Variants in ELAVL4 observed in about 807,000 individuals in gnomAD.
ELAVL4 encodes the protein ELAV like RNA binding protein 4, also known as ELAV-like protein 4.
ELAVL4 carries 1 observed loss-of-function variant against 35.6 expected under a neutral mutation model. That is an observed-to-expected ratio of 0.03 (90% confidence interval 0.01 to 0.13). The LOEUF is 0.13. Among genes scored for constraint, ELAVL4 ranks in the 10% least tolerant of loss-of-function variants. The probability of loss-of-function intolerance (pLI) is 1.00; values close to 1 mark genes in which losing one functional copy is unlikely to be tolerated. For synonymous variants in ELAVL4, 156 were observed against 171.0 expected, an observed-to-expected ratio of 0.91 and a Z score of 0.69; for missense variants, 267 against 464.9, an observed-to-expected ratio of 0.57 and a Z score of 3.91.
At chr1:50,093,383 T>C (rs868565899) in intron 1 of ELAVL4, among the ~76,000 whole-genome samples, 4 of 152,346 alleles carry the variant, frequency 2.6e-5, no homozygotes, top group Middle Eastern at 3.4e-3. Context: ...AGATTGACCA[T>C]ACTGGCACAT....
intron 3 of ELAVL4, among the ~76,000 whole-genome samples, chr1:50,182,356 T>G (rs1353797305): frequency 6.6e-6 from 1 of 152,212 alleles, no homozygotes; most frequent in Non-Finnish European, 1.5e-5. Context: ...CCACTAAACC[T>G]TTCAGAGTGT....
upstream of ELAVL4, among the ~76,000 whole-genome samples, chr1:50,103,358 C>G (rs1186588621): frequency 1.3e-5 from 2 of 152,052 alleles, no homozygotes; most frequent in African/African-American, 2.4e-5. Context: ...TCACATCAGT[C>G]TGGTGCATCT....
chr1:50,146,983 C>T (rs910000724), intron 2 of ELAVL4, among the ~76,000 whole-genome samples: 2 of 151,828 alleles, frequency 1.3e-5, no homozygotes, highest in Non-Finnish European at 2.9e-5. Context: ...GGTAGTTCAC[C>T]GAGTGGATTT....
upstream of ELAVL4, chr1:50,108,834 A>G (rs1272654338): frequency 2.3e-6 from 2 of 885,592 alleles, no homozygotes; most frequent in Non-Finnish European, 2.7e-6. Context: ...TGATGTTGCA[A>G]CGCCTCCCTT....
At chr1:50,071,760 C>T (rs190236449) in intron 1 of ELAVL4, among the ~76,000 whole-genome samples, 1 of 152,042 alleles carries the variant, frequency 6.6e-6, no homozygotes, top group Non-Finnish European at 1.5e-5. Context: ...TTGATCAAGT[C>T]CTTTTACCTC....
chr1:50,069,027 T>C (rs56185427), intron 1 of ELAVL4, among the ~76,000 whole-genome samples: 4,589 of 152,330 alleles, frequency 0.03, 142 homozygotes, highest in African/African-American at 0.079. Context: ...ATTTCACAGG[T>C]AGTAATCACT....
At chr1:50,137,498 A>T (rs921268704) in intron 1 of ELAVL4, among the ~76,000 whole-genome samples, 3 of 151,822 alleles carry the variant, frequency 2.0e-5, no homozygotes, top group Non-Finnish European at 4.4e-5. Context: ...ACATAGAGAG[A>T]CCCAGTCAAA....
At chr1:50,192,749 G>T (rs1345198985) in intron 3 of ELAVL4, among the ~76,000 whole-genome samples, 2 of 152,172 alleles carry the variant, frequency 1.3e-5, no homozygotes, top group Non-Finnish European at 2.9e-5. Flanking sequence ...TAGCAGGAAA[G>T]TGCTTTTGTT....
At chr1:50,109,257 T>C in intron 1 of ELAVL4, 59 bp downstream of exon 1, 3 of 1,564,296 alleles carry the variant, frequency 1.9e-6, no homozygotes, top group Non-Finnish European at 2.6e-6. Context: ...GAAAAGCATC[T>C]ACACCTTGAC....
intron 2 of ELAVL4, 39 bp downstream of exon 2, chr1:50,145,236 G>A (rs768298232): frequency 6.2e-7 from 1 of 1,610,988 alleles, no homozygotes; most frequent in Non-Finnish European, 8.5e-7. Flanking sequence ...TCCATTAGAT[G>A]TGCAGATCTT....
chr1:50,119,483 A>G (rs1418573238), intron 1 of ELAVL4, among the ~76,000 whole-genome samples: 1 of 152,076 alleles, frequency 6.6e-6, no homozygotes, highest in Non-Finnish European at 1.5e-5. Flanking sequence ...GTTTATTTAA[A>G]AGTTAAAAAT....
In ELAVL4 at chr1:50,114,604, G is replaced by T. The variant is rs1405319919; in HGVS notation, c.9+5406G>T. 1.1e-4 allele frequency among the ~76,000 whole-genome samples: 16 copies of T among 152,164 alleles called. 1 individual carries two copies. In the South Asian group the frequency reaches 3.3e-3, roughly 32 times the overall value. On this transcript the variant is annotated intron_variant, in intron 1 of 6. Coordinates refer to ENST00000371824, the MANE Select transcript of ELAVL4 (RefSeq NM_001144774.3). ...CAACATGTGGGTCTGCATCTTTCCG[G>T]TATAGGAGATAATGAGTGATAAATT...
chr1:50,104,053 G>A (rs949903889), upstream of ELAVL4: 109 of 1,601,494 alleles, frequency 6.8e-5, no homozygotes, highest in Non-Finnish European at 8.6e-5. Flanking sequence ...CCGTCAATGG[G>A]TGGTATTGAT....
intron 2 of ELAVL4, among the ~76,000 whole-genome samples, chr1:50,163,564 C>T (rs977375043): frequency 2.6e-5 from 4 of 152,100 alleles, no homozygotes; most frequent in Admixed American, 6.6e-5. Context: ...CAGTGGCTCA[C>T]GCCTGTAATA....
chr1:50,075,563 C>T (rs572867323), intron 1 of ELAVL4, among the ~76,000 whole-genome samples: 1 of 152,106 alleles, frequency 6.6e-6, no homozygotes. Flanking sequence ...AGCATGGAGG[C>T]CTGGAAGGCT....
At chr1:50,157,544 T>C (rs1675978473) in intron 2 of ELAVL4, among the ~76,000 whole-genome samples, 1 of 152,226 alleles carries the variant, frequency 6.6e-6, no homozygotes, top group Non-Finnish European at 1.5e-5. Flanking sequence ...TAACTGTTAT[T>C]AATGCTCAAG....
At chr1:50,150,098 C>T (rs920815971) in intron 2 of ELAVL4, among the ~76,000 whole-genome samples, 1 of 152,026 alleles carries the variant, frequency 6.6e-6, no homozygotes. Flanking sequence ...TTTTTTATTC[C>T]TCTGTGCTTT....
intron 1 of ELAVL4, among the ~76,000 whole-genome samples, chr1:50,113,896 G>C (rs1667505448): frequency 6.6e-6 from 1 of 151,936 alleles, no homozygotes. Flanking sequence ...TTCCTTATTT[G>C]GTATTACTAA....
At chr1:50,085,621 G>A (rs1665206160) in intron 1 of ELAVL4, among the ~76,000 whole-genome samples, 1 of 152,224 alleles carries the variant, frequency 6.6e-6, no homozygotes, top group Non-Finnish European at 1.5e-5. Context: ...CCTATTCAGA[G>A]CAAAGAAAGC....
Sources: gnomAD v4.1 joint callset for allele counts (sites outside exome capture counted in the v4.1 genomes callset) on GRCh38, gnomAD v4.1.1 for gene constraint, MANE v1.5 for transcripts, NCBI Gene and HGNC (gene_info 2026-07-23, HGNC 2026-07-21) for gene names.